ERMAP: variants seen among roughly 807,000 people sequenced by gnomAD.
ERMAP encodes erythroblast membrane associated protein (Scianna blood group).
A neutral mutation model predicts 49.5 loss-of-function variants in ERMAP; 34 were observed. That is an observed-to-expected ratio of 0.69 (90% CI 0.52 to 0.91). The LOEUF is 0.91. Among genes scored for constraint, ERMAP ranks in the 40% least tolerant of loss-of-function variants. The probability of loss-of-function intolerance (pLI) is 0.00; values close to 1 mark genes in which losing one functional copy is unlikely to be tolerated. For missense variants in ERMAP, 541 were observed against 582.6 expected, an observed-to-expected ratio of 0.93 and a Z score of 0.74; for synonymous variants, 214 against 232.2, an observed-to-expected ratio of 0.92 and a Z score of 0.71.
At chr1:42,822,636 T>C (rs1654433729) in intron 1 of ERMAP, among the ~76,000 whole-genome samples, 1 of 152,200 alleles carries the variant, frequency 6.6e-6, no homozygotes, top group Non-Finnish European at 1.5e-5. Context: ...TCAGTATCCT[T>C]TCTTCTTTAT....
Position 42,843,788 on chromosome 1 carries a change from T to G in ERMAP, c.*556T>G. On this transcript the variant is annotated 3_prime_UTR_variant, in exon 12 of 12. Transcript: ENST00000372517. The stretch of plus-strand genomic sequence containing the variant: ...GCTGATGAGTAAAACATACCATCCT[T>G]TTCTATTTTCTTGATGCTGTTTACA... The G allele has an allele frequency of 3.1e-6, 1 of 327,500 alleles. No homozygotes were observed. Among genetic ancestry groups the G allele is most frequent in the Non-Finnish European group, 5.5e-6 (1 of 182,096 alleles). The allele number at this position is 327,500 out of a possible 1,614,324, so 20.3% of individuals were successfully genotyped here. A position where few individuals can be genotyped will look rare whatever the true frequency, so the allele number is the denominator to read the frequency against.
At chr1:42,837,086 A>G in intron 6 of ERMAP, 72 bp from the exon 7 acceptor site, 1 of 1,545,170 alleles carries the variant, frequency 6.5e-7, no homozygotes, top group African/African-American at 1.4e-5. Context: ...AAGGGCAGGT[A>G]AAATCAATAG....
At chr1:42,834,308 G>A (rs1451235373) in intron 4 of ERMAP, among the ~76,000 whole-genome samples, 2 of 152,210 alleles carry the variant, frequency 1.3e-5, no homozygotes, top group Non-Finnish European at 2.9e-5. Flanking sequence ...TCAGGGCAAA[G>A]AGGTTGCTGC....
Position 42,832,789 on chromosome 1 carries a change from A to G in ERMAP, c.433+1674A>G, listed in dbSNP as rs35423593. Among the ~76,000 whole-genome samples the G allele has an allele frequency of 2.5e-3, 382 of 152,376 alleles. 2 individuals are homozygous for G. Among genetic ancestry groups the G allele is most frequent in the African/African-American group, 8.5e-3 (354 of 41,586 alleles). ...AAGCTAGAGACTGGCTTATCCCATTAGGAGGAGCGTGGGGAGAGAGTGGAG... is the reference window on the plus strand; with the variant it reads ...AAGCTAGAGACTGGCTTATCCCATTGGGAGGAGCGTGGGGAGAGAGTGGAG... On this transcript the variant is annotated intron_variant, in intron 4 of 11. Transcript: ENST00000372517.
chr1:42,831,209 T>C, intron 4 of ERMAP, 94 bp downstream of exon 4: 2 of 1,420,214 alleles, frequency 1.4e-6, no homozygotes, highest in Non-Finnish European at 1.9e-6. Context: ...GACTTTTCTT[T>C]CATCTGCAGT....
Position 42,830,844 on chromosome 1 carries a change from C to T in ERMAP, c.162C>T (p.Leu54=). ...GTAELLCPLS[L]WPGTVPKEVR... is the part of the protein sequence containing the mutation. Reference sequence around the variant, plus strand: ...CCGAGCTGCTCTGCCCTCTCTCCCTCTGGCCCGGGACGGTACCCAAGGAGG... The same window carrying T: ...CCGAGCTGCTCTGCCCTCTCTCCCTTTGGCCCGGGACGGTACCCAAGGAGG... Residue 54 remains leucine (L), a synonymous_variant, in exon 4 of 12, where the codon CTC becomes CTT. Transcript: ENST00000372517. The T allele has an allele frequency of 1.9e-6, 3 of 1,604,154 alleles. No individual in the cohort carries two copies. Among genetic ancestry groups the T allele is most frequent in the Non-Finnish European group, 2.6e-6 (3 of 1,175,482 alleles).
intron 8 of ERMAP, 133 bp downstream of exon 8, chr1:42,839,054 T>C: frequency 7.2e-7 from 1 of 1,385,786 alleles, no homozygotes; most frequent in Non-Finnish European, 1.0e-6. Context: ...GACTGGGGCT[T>C]TCTTGGCTCT....
In ERMAP at chr1:42,830,748, T is replaced by C; in HGVS notation, c.86-20T>C. The C allele has an allele frequency of 6.6e-7, 1 of 1,511,520 alleles. No homozygotes were observed. Among genetic ancestry groups the C allele is most frequent in the Non-Finnish European group, 8.8e-7 (1 of 1,130,040 alleles). The allele number at this position is 1,511,520 out of a possible 1,614,324, so 93.6% of individuals were successfully genotyped here. On this transcript the variant is annotated intron_variant, in intron 3 of 11. Coordinates refer to ENST00000372517, the MANE Select transcript of ERMAP (RefSeq NM_001017922.2). Reference sequence around the variant, plus strand: ...CTCCTGCCGTCCCTCCCAGTTGGCCTTGTCTCTTTTTTTGTCCAGGCCACG... The same window carrying C: ...CTCCTGCCGTCCCTCCCAGTTGGCCCTGTCTCTTTTTTTGTCCAGGCCACG...
chr1:42,819,168 A>AGTGTGT lies in ERMAP; in HGVS notation c.-122+1916_-122+1917insTGTGTG, dbSNP rs1422339677. On this transcript the variant is annotated intron_variant, in intron 1 of 11. Coordinates refer to ENST00000372517, the MANE Select transcript of ERMAP (RefSeq NM_001017922.2). The surrounding 1 kb of genome is among the most constrained non-coding windows in gnomAD (Gnocchi z 5.1). ...ACGGTGAGGAAGAGGATAAGTTAGG[A>AGTGTGT]GCGTGTGTGTGTGTGTGTGTGTGTG... 2.1e-5 allele frequency among the ~76,000 whole-genome samples: 2 copies of AGTGTGT among 94,234 alleles called. No homozygotes were observed. Among genetic ancestry groups the AGTGTGT allele is most frequent in the Non-Finnish European group, 4.4e-5 (2 of 45,180 alleles). 61.8% of individuals were successfully genotyped at this position (94,234 alleles called of 152,430 possible).
rs1192886667 is a variant in ERMAP, at chr1:42,844,209, T to C, written c.*977T>C. The C allele has an allele frequency of 2.5e-5, 10 of 398,348 alleles. No homozygotes were observed. The Admixed American group carries it at 3.5e-4, about 14-fold the overall frequency. 24.7% of individuals were successfully genotyped at this position (398,348 alleles called of 1,614,324 possible). On this transcript the variant is annotated 3_prime_UTR_variant, in exon 12 of 12. Transcript: ENST00000372517. This position sits in a 1 kb window ranked among gnomAD's most constrained non-coding sequence, Gnocchi z 4.0. ...AAACAGCCTCTTAGGTTGGAGAGTA[T>C]TGATTTCAAATAGGAAGTTGGTAGA...
intron 5 of ERMAP, 88 bp downstream of exon 5, chr1:42,835,242 T>G (rs571274524): frequency 1.3e-6 from 1 of 761,600 alleles, no homozygotes; most frequent in Admixed American, 1.8e-5. Flanking sequence ...GATGTAGACC[T>G]GACACTTCTC....
intron 8 of ERMAP, chr1:42,839,631 T>C: frequency 4.7e-6 from 1 of 214,482 alleles, no homozygotes; most frequent in Non-Finnish European, 9.3e-6. Context: ...TAAAAATAAA[T>C]CTGTAGACAT....
Position 42,844,476 on chromosome 1 carries a change from AG to A in ERMAP, c.*1250del, listed in dbSNP as rs199710761. ...AAACAGAATCAATATATATTGGGGCAGGGGGGCGGTGGTTATTATAAGGAAT... is the reference window on the plus strand; with the variant it reads ...AAACAGAATCAATATATATTGGGGCAGGGGGCGGTGGTTATTATAAGGAAT... On this transcript the variant is annotated 3_prime_UTR_variant, in exon 12 of 12. Coordinates refer to ENST00000372517, the MANE Select transcript of ERMAP (RefSeq NM_001017922.2). The surrounding 1 kb of genome is among the most constrained non-coding windows in gnomAD (Gnocchi z 4.0). The A allele has an allele frequency of 3.6e-3, 659 of 181,220 alleles. 6 individuals carry two copies. Among genetic ancestry groups the A allele is most frequent in the African/African-American group, 0.015 (626 of 42,746 alleles). 11.2% of individuals were successfully genotyped at this position (181,220 alleles called of 1,614,324 possible). A position where few individuals can be genotyped will look rare whatever the true frequency, so the allele number is the denominator to read the frequency against.
At chr1:42,825,840 C>T in intron 2 of ERMAP, 102 bp downstream of exon 2, 1 of 1,221,714 alleles carries the variant, frequency 8.2e-7, no homozygotes, top group Non-Finnish European at 1.1e-6. Flanking sequence ...CGCACAAGAA[C>T]ATTTTCAAGG....
chr1:42,835,068 C>T lies in ERMAP; in HGVS notation c.464C>T (p.Ala155Val). 6.5e-7 allele frequency: 1 copy of T among 1,546,502 alleles called. No individual in the cohort carries two copies. The highest frequency in any genetic ancestry group is 8.9e-7 in the Non-Finnish European group (1 of 1,118,094). Residue 155 changes from alanine to valine, a missense_variant, in exon 5 of 12, where the codon GCA (alanine) becomes GTA (valine). Physicochemically the swap from Ala to Val is moderately conservative, Grantham distance 64. Coordinates refer to ENST00000372517, the MANE Select transcript of ERMAP (RefSeq NM_001017922.2). ...APSVGSLSPS[A>V]VALAVILPVL... ...TCTGTGGGGAGTCTCTCCCCCTCAG[C>T]AGTGGCTCTGGCTGTGATCCTGCCT...
chr1:42,818,299 C>G (rs1223364926), intron 1 of ERMAP, among the ~76,000 whole-genome samples: 1 of 152,138 alleles, frequency 6.6e-6, no homozygotes, highest in Non-Finnish European at 1.5e-5. Context: ...ACAAATACTG[C>G]ATGTTTCCAT....
chr1:42,824,280 G>A (rs1208888587), intron 1 of ERMAP, among the ~76,000 whole-genome samples: 2 of 151,758 alleles, frequency 1.3e-5, no homozygotes, highest in East Asian at 1.9e-4. Context: ...CCCAGGAGGC[G>A]GAGCTTGCAG....
intron 2 of ERMAP, chr1:42,830,124 A>T (rs1654672547): frequency 3.0e-6 from 1 of 333,868 alleles, no homozygotes; most frequent in Non-Finnish European, 5.7e-6. Flanking sequence ...CACTCATCTC[A>T]TCTGCACTGA....
intron 3 of ERMAP, 106 bp downstream of exon 3, chr1:42,830,639 C>G: frequency 6.8e-7 from 1 of 1,460,930 alleles, no homozygotes; most frequent in Non-Finnish European, 9.4e-7. Context: ...TTCTGTTCCC[C>G]CGGCCCTGGC....
Sources: allele counts gnomAD v4.1 joint callset (sites outside exome capture counted in the v4.1 genomes callset), GRCh38; gene constraint gnomAD v4.1.1; non-coding constraint Gnocchi (gnomAD v3.1); transcripts MANE v1.5; gene names NCBI Gene and HGNC (gene_info 2026-07-23, HGNC 2026-07-21).